Variants in TRAM2 observed in about 807,000 individuals in gnomAD.
The protein encoded by TRAM2 is translocating chain-associated membrane protein 2.
TRAM2 carries 12 observed loss-of-function variants against 51.0 expected under a neutral mutation model. That is an observed-to-expected ratio of 0.24 (90% CI 0.15 to 0.38). The LOEUF is 0.38. Ranked by LOEUF, TRAM2 falls within the 10% of genes least tolerant of loss-of-function variation. The pLI, the probability that TRAM2 is intolerant of heterozygous loss-of-function variation, is 1.00. For synonymous variants in TRAM2, 175 were observed against 179.4 expected, an observed-to-expected ratio of 0.98 and a Z score of 0.20; for missense variants, 361 against 462.0, an observed-to-expected ratio of 0.78 and a Z score of 2.00.
rs749404067 is a variant in TRAM2 at position 52,516,054 on chromosome 6, G to A, written c.363C>T (p.Val121=). 65 of 1,614,022 alleles carry A rather than the reference G, an allele frequency of 4.0e-5. No homozygotes were observed. The highest frequency in any genetic ancestry group is 5.1e-5 in the Non-Finnish European group (60 of 1,180,030). ...HSKFNESGQL[V]VFHFTSVIWC... ...AAATCACCGAGGTGAAATGAAAGAC[G>A]ACCAGCTGTCCAGATTCATTGAACT... Residue 121 remains valine (V), a synonymous_variant, in exon 4 of 11, where the codon GTC becomes GTT. Transcript: ENST00000182527.
intron 1 of TRAM2, among the ~76,000 whole-genome samples, chr6:52,542,279 A>ATTTTT (rs1255672331): frequency 3.7e-4 from 48 of 128,552 alleles, no homozygotes; most frequent in Admixed American, 9.6e-4. Flanking sequence ...TTTTTTTTAA[A>ATTTTT]AAAAATAGTC....
At chr6:52,556,934 A>G (rs1767416923) in intron 1 of TRAM2, among the ~76,000 whole-genome samples, 1 of 150,788 alleles carries the variant, frequency 6.6e-6, no homozygotes, top group East Asian at 2.0e-4. Flanking sequence ...TCTCAAAAAA[A>G]AAAAAAAAAA....
intron 4 of TRAM2, among the ~76,000 whole-genome samples, chr6:52,511,281 T>C (rs547825136): frequency 6.6e-6 from 1 of 152,320 alleles, no homozygotes; most frequent in Non-Finnish European, 1.5e-5. Context: ...TTTTTTGTAC[T>C]TTTAGCAGAG....
At chr6:52,532,343 G>T (rs1168328951) in intron 2 of TRAM2, among the ~76,000 whole-genome samples, 1 of 152,138 alleles carries the variant, frequency 6.6e-6, no homozygotes, top group Non-Finnish European at 1.5e-5. Flanking sequence ...AGCATCCCCT[G>T]TAAGTTGACT....
intron 2 of TRAM2, among the ~76,000 whole-genome samples, chr6:52,526,144 C>CACAG (rs573596174): frequency 8.7e-5 from 2 of 22,888 alleles, no homozygotes; most frequent in Non-Finnish European, 1.6e-4. Context: ...AGGAAATACA[C>CACAG]ACAGACAGAC....
chr6:52,559,399 G>C (rs1767460189), intron 1 of TRAM2, among the ~76,000 whole-genome samples: 1 of 152,162 alleles, frequency 6.6e-6, no homozygotes. Context: ...AAGGACTCAG[G>C]CTGTGAAGTC....
intron 2 of TRAM2, among the ~76,000 whole-genome samples, chr6:52,532,327 T>TA (rs1325142600): frequency 6.6e-6 from 1 of 152,220 alleles, no homozygotes; most frequent in Non-Finnish European, 1.5e-5. Context: ...ATGTGGGGTA[T>TA]GATCCAGCAT....
intron 1 of TRAM2, among the ~76,000 whole-genome samples, chr6:52,548,036 G>A (rs1767242183): frequency 6.6e-6 from 1 of 152,240 alleles, no homozygotes; most frequent in Non-Finnish European, 1.5e-5. Context: ...TGGCTGGTAA[G>A]GCACTTTCAC....
At chr6:52,556,806 T>C (rs746335827) in intron 1 of TRAM2, among the ~76,000 whole-genome samples, 41 of 149,776 alleles carry the variant, frequency 2.7e-4, no homozygotes, top group African/African-American at 9.9e-4. Flanking sequence ...TGCATGCCTG[T>C]AGTCCCAGCT....
intron 4 of TRAM2, among the ~76,000 whole-genome samples, chr6:52,510,138 C>T (rs1234045224): frequency 6.6e-6 from 1 of 152,236 alleles, no homozygotes; most frequent in Non-Finnish European, 1.5e-5. Context: ...CCATAGGCCT[C>T]ACCATGCAGC....
In TRAM2 at chr6:52,503,214, T is replaced by C; in HGVS notation, c.1096A>G (p.Lys366Glu). 1 of 1,613,594 alleles carries C rather than the reference T, an allele frequency of 6.2e-7. No individual in the cohort carries two copies. The highest frequency in any genetic ancestry group is 8.5e-7 in the Non-Finnish European group (1 of 1,179,922). The change falls in exon 11 of 11, where the codon AAA becomes GAA. Residue 366 changes from lysine (K) to glutamate (E), a missense_variant. Transcript: ENST00000182527. ...AENGTSPRTK[K>E]LKSP The stretch of plus-strand genomic sequence containing the variant: ...CTTTGGCCTTAGGGAGACTTGAGTT[T>C]CTTAGTCCGTGGGGAGGTTCCGTTC...
At chr6:52,519,692 T>C (rs1361991922) in intron 2 of TRAM2, among the ~76,000 whole-genome samples, 1 of 152,130 alleles carries the variant, frequency 6.6e-6, no homozygotes, top group Non-Finnish European at 1.5e-5. Context: ...TGTACATCCA[T>C]GTCCATAGCA....
rs537892030 is a variant in TRAM2, at chr6:52,576,936, C to A, written c.-21G>T. 38 of 1,596,616 alleles carry A rather than the reference C, an allele frequency of 2.4e-5. No individual in the cohort carries two copies. Among genetic ancestry groups the A allele is most frequent in the Admixed American group, 1.9e-4 (11 of 57,730 alleles). Reference sequence around the variant, plus strand: ...GCCATGGCAGCGGGCGCGCAGCGGCCGGCGGGGCCCGCACCCTGCGCTCAC... The same window carrying A: ...GCCATGGCAGCGGGCGCGCAGCGGCAGGCGGGGCCCGCACCCTGCGCTCAC... On this transcript the variant is annotated 5_prime_UTR_variant, in exon 1 of 11. Transcript: ENST00000182527.
rs1581861858 is a variant in TRAM2 at position 52,497,967 on chromosome 6, G to C, written c.*5230C>G. 1 of 152,156 alleles carries C rather than the reference G, an allele frequency of 6.6e-6. No homozygotes were observed. Among genetic ancestry groups the C allele is most frequent in the Non-Finnish European group, 1.5e-5 (1 of 68,030 alleles). The allele number at this position is 152,156 out of a possible 1,614,324, so 9.4% of individuals were successfully genotyped here. On this transcript the variant is annotated 3_prime_UTR_variant, in exon 11 of 11. Coordinates refer to ENST00000182527, the MANE Select transcript of TRAM2 (RefSeq NM_012288.4). ...TAGGCAGAGTGACGGTGATGTCATG[G>C]GCACCACGCCAATCTTATTCCTGGA...
rs1766335210 is a variant in TRAM2 at position 52,505,707 on chromosome 6, C to T, written c.767G>A (p.Arg256His). Residue 256 changes from arginine (R) to histidine (H), a missense_variant, in exon 9 of 11, where the codon CGC (arginine) becomes CAC (histidine). Arg to His is a conservative substitution (Grantham distance 29). Transcript: ENST00000182527. ...SAWAAVFGVT[R>H]LFILTLAVLA... ...CACGGCAAGGGTGAGGATGAAGAGG[C>T]GGGTAACCCCAAAAACAGCAGCCCA... 2.5e-6 allele frequency: 4 copies of T among 1,612,622 alleles called. No individual in the cohort carries two copies. Among genetic ancestry groups the T allele is most frequent in the South Asian group, 1.1e-5 (1 of 90,918 alleles).
rs560678523 is a variant in TRAM2, at chr6:52,498,426, C to T, written c.*4771G>A. The T allele has an allele frequency of 2.6e-5, 4 of 152,258 alleles. No individual in the cohort carries two copies. The highest frequency in any genetic ancestry group is 5.9e-5 in the Non-Finnish European group (4 of 68,032). 9.4% of individuals were successfully genotyped at this position (152,258 alleles called of 1,614,324 possible). A position where few individuals can be genotyped will look rare whatever the true frequency, so the allele number is the denominator to read the frequency against. On this transcript the variant is annotated 3_prime_UTR_variant, in exon 11 of 11. Transcript: ENST00000182527. ...GAGACTGGGAAGTAAAAGTAAACAC[C>T]TTTATCATATAAACTTTGGGCTGAA... is the stretch of plus-strand genomic sequence containing the variant.
intron 1 of TRAM2, among the ~76,000 whole-genome samples, chr6:52,550,867 C>T (rs1581697079): frequency 1.3e-5 from 2 of 152,180 alleles, no homozygotes; most frequent in Non-Finnish European, 2.9e-5. Flanking sequence ...CCATGCCCAA[C>T]CGAATAGGAC....
intron 1 of TRAM2, among the ~76,000 whole-genome samples, chr6:52,556,696 G>A (rs1439612293): frequency 6.6e-6 from 1 of 152,134 alleles, no homozygotes; most frequent in Non-Finnish European, 1.5e-5. Flanking sequence ...GGGAGGCTAA[G>A]ACAGGCAGAT....
chr6:52,504,848 A>G (rs920363406), intron 9 of TRAM2, 94 bp from the exon 10 acceptor site: 1 of 1,191,136 alleles, frequency 8.4e-7, no homozygotes, highest in Non-Finnish European at 1.2e-6. Context: ...GGGGCCCTGC[A>G]GTTCCCATGG....
Sources: gnomAD v4.1 joint callset for allele counts (sites outside exome capture counted in the v4.1 genomes callset) on GRCh38, gnomAD v4.1.1 for gene constraint, MANE v1.5 for transcripts, NCBI Gene and HGNC (gene_info 2026-07-23, HGNC 2026-07-21) for gene names.